Variants in ZNF385D observed in about 807,000 individuals in gnomAD.
ZNF385D encodes zinc finger protein 385D.
A neutral mutation model predicts 35.8 loss-of-function variants in ZNF385D; 15 were observed. That is an observed-to-expected ratio of 0.42 (90% CI 0.28 to 0.64). ZNF385D has a LOEUF of 0.64. Ranked by LOEUF, ZNF385D falls within the 30% of genes least tolerant of loss-of-function variation. The pLI is 0.23. For missense variants in ZNF385D, 474 were observed against 494.6 expected, an observed-to-expected ratio of 0.96 and a Z score of 0.39; for synonymous variants, 212 against 186.8, an observed-to-expected ratio of 1.13 and a Z score of -1.10.
At chr3:22,184,746 A>C (rs1190480986) in intron 2 of ZNF385D, among the ~76,000 whole-genome samples, 3 of 152,094 alleles carry the variant, frequency 2.0e-5, no homozygotes, top group Non-Finnish European at 4.4e-5. Context: ...AAAATCGCTT[A>C]AACTGGGAGG....
At chr3:21,962,584 G>C (rs1418294165) in intron 3 of ZNF385D, among the ~76,000 whole-genome samples, 1 of 152,170 alleles carries the variant, frequency 6.6e-6, no homozygotes, top group Non-Finnish European at 1.5e-5. Flanking sequence ...AAATATGGAA[G>C]TACTGATTTT....
At chr3:21,502,778 G>T (rs1422604187) in intron 4 of ZNF385D, among the ~76,000 whole-genome samples, 1 of 152,126 alleles carries the variant, frequency 6.6e-6, no homozygotes, top group Non-Finnish European at 1.5e-5. Flanking sequence ...CACACATCTT[G>T]AGAAGGGAAC....
intron 3 of ZNF385D, among the ~76,000 whole-genome samples, chr3:22,067,762 G>A (rs988939016): frequency 9.9e-5 from 15 of 152,262 alleles, no homozygotes; most frequent in East Asian, 3.9e-4. Flanking sequence ...GGTGGCTCAC[G>A]CCTGTAATTC....
intron 3 of ZNF385D, among the ~76,000 whole-genome samples, chr3:21,774,537 G>C (rs758300762): frequency 5.9e-5 from 9 of 151,874 alleles, no homozygotes; most frequent in Non-Finnish European, 1.3e-4. Flanking sequence ...GGGAAATAGG[G>C]AGTAGAGTCT....
intron 3 of ZNF385D, among the ~76,000 whole-genome samples, chr3:21,953,120 T>C (rs1317091521): frequency 6.6e-6 from 1 of 152,016 alleles, no homozygotes; most frequent in Non-Finnish European, 1.5e-5. Flanking sequence ...TTATCTTCTC[T>C]GCTGGCCAGA....
intron 2 of ZNF385D, among the ~76,000 whole-genome samples, chr3:21,587,092 G>A (rs1391940583): frequency 6.6e-6 from 1 of 152,132 alleles, no homozygotes; most frequent in African/African-American, 2.4e-5. Flanking sequence ...TAGTATATCT[G>A]GAAGAGATGA....
chr3:22,141,120 A>T (rs116773618), intron 3 of ZNF385D, among the ~76,000 whole-genome samples: 1,939 of 152,314 alleles, frequency 0.013, 32 homozygotes, highest in Middle Eastern at 0.017. Flanking sequence ...ATATTTCATT[A>T]CTTAAAAACA....
At chr3:21,720,781 C>G (rs953802036) in intron 1 of ZNF385D, among the ~76,000 whole-genome samples, 15 of 152,088 alleles carry the variant, frequency 9.9e-5, no homozygotes, top group African/African-American at 3.4e-4. Context: ...TATGTTTGCC[C>G]CATGAGTCCT....
intron 3 of ZNF385D, among the ~76,000 whole-genome samples, chr3:21,967,823 C>A (rs942027177): frequency 6.6e-6 from 1 of 152,202 alleles, no homozygotes; most frequent in South Asian, 2.1e-4. Flanking sequence ...GATGGCTGAA[C>A]AGAAACCTCC....
intron 3 of ZNF385D, among the ~76,000 whole-genome samples, chr3:22,165,269 A>T (rs1706238802): frequency 6.6e-6 from 1 of 152,170 alleles, no homozygotes; most frequent in Non-Finnish European, 1.5e-5. Flanking sequence ...ATATATGGGA[A>T]CTTTACTTTC....
intron 3 of ZNF385D, among the ~76,000 whole-genome samples, chr3:22,162,967 C>T (rs537414793): frequency 6.6e-6 from 1 of 152,098 alleles, no homozygotes; most frequent in Non-Finnish European, 1.5e-5. Flanking sequence ...GTAAGAAAAG[C>T]AGGACATAGT....
intron 3 of ZNF385D, among the ~76,000 whole-genome samples, chr3:22,155,605 T>A (rs1705532172): frequency 6.6e-6 from 1 of 152,070 alleles, no homozygotes; most frequent in Non-Finnish European, 1.5e-5. Flanking sequence ...TAACACATAT[T>A]AGCTTATTCT....
intron 3 of ZNF385D, among the ~76,000 whole-genome samples, chr3:21,976,319 T>C (rs1392341289): frequency 1.3e-5 from 2 of 152,104 alleles, no homozygotes; most frequent in Non-Finnish European, 2.9e-5. Flanking sequence ...GTGACACAAA[T>C]ACTACAGTAA....
At chr3:22,138,523 A>C (rs201870995) in intron 3 of ZNF385D, among the ~76,000 whole-genome samples, 531 of 141,378 alleles carry the variant, frequency 3.8e-3, no homozygotes, top group South Asian at 5.3e-3. Flanking sequence ...CATATCTACA[A>C]CTATCTGATC....
chr3:21,626,299 T>C (rs2065132261), intron 2 of ZNF385D, among the ~76,000 whole-genome samples: 1 of 152,080 alleles, frequency 6.6e-6, no homozygotes, highest in Admixed American at 6.6e-5. Context: ...TAACATGGAT[T>C]GAGAGCTGCT....
At chr3:21,920,622 C>A (rs200504221) in intron 3 of ZNF385D, among the ~76,000 whole-genome samples, 342 of 129,874 alleles carry the variant, frequency 2.6e-3, no homozygotes, top group Non-Finnish European at 3.4e-3. Context: ...GATACAATGC[C>A]AAAAAAAAAA....
chr3:21,731,480 T>A (rs372968852), intron 1 of ZNF385D, among the ~76,000 whole-genome samples: 3 of 152,204 alleles, frequency 2.0e-5, no homozygotes, highest in Non-Finnish European at 4.4e-5. Context: ...TTTGTTTCAA[T>A]TGATGAACCT....
chr3:21,841,011 C>G (rs1360025724), intron 3 of ZNF385D, among the ~76,000 whole-genome samples: 1 of 151,926 alleles, frequency 6.6e-6, no homozygotes, highest in East Asian at 1.9e-4. Flanking sequence ...ACTGAGGCTC[C>G]TGGTGAATAT....
At position 22,039,274 on chromosome 3, in the gene ZNF385D, G is replaced by T. The variant is rs76718176; in HGVS notation, c.325+129543C>A. Among the ~76,000 whole-genome samples, 5 of 95,418 alleles carry T rather than the reference G, an allele frequency of 5.2e-5. No individual in the cohort carries two copies. The East Asian group carries it at 1.3e-3, about 24-fold the overall frequency. 62.6% of individuals were successfully genotyped at this position (95,418 alleles called of 152,430 possible). A position where few individuals can be genotyped will look rare whatever the true frequency, so the allele number is the denominator to read the frequency against. On this transcript the variant is annotated intron_variant, in intron 3 of 5. Coordinates refer to the ZNF385D transcript ENST00000494108. ...CCAAGCCAAAAAAAAAAAAAAAAAA[G>T]AGTCTATGTATAAGCAGGCTCATTG...
Sources: allele counts gnomAD v4.1 joint callset (sites outside exome capture counted in the v4.1 genomes callset), GRCh38; gene constraint gnomAD v4.1.1; transcripts MANE v1.5; gene names NCBI Gene and HGNC (gene_info 2026-07-23, HGNC 2026-07-21).